The following DNMBP variants were observed in gnomAD, a reference collection of about 807,000 sequenced individuals.
The protein encoded by DNMBP is dynamin binding protein, also known as dynamin-binding protein.
Under a neutral mutation model 150.0 loss-of-function variants are expected in DNMBP, and 87 were observed. The ratio of observed to expected loss-of-function variants is 0.58; its 90% CI spans 0.49 to 0.69. DNMBP has a LOEUF of 0.69. Among genes scored for constraint, DNMBP ranks in the 30% least tolerant of loss-of-function variants. The probability of loss-of-function intolerance (pLI) is 0.00; values close to 1 mark genes in which losing one functional copy is unlikely to be tolerated. For missense variants in DNMBP, 1,774 were observed against 1,949.0 expected, an observed-to-expected ratio of 0.91 and a Z score of 1.69; for synonymous variants, 711 against 750.4, an observed-to-expected ratio of 0.95 and a Z score of 0.86.
At chr10:99,966,486 C>T (rs372703584) in intron 3 of DNMBP, among the ~76,000 whole-genome samples, 49 of 152,336 alleles carry the variant, frequency 3.2e-4, no homozygotes, top group African/African-American at 1.1e-3. Flanking sequence ...GAGAATCTCT[C>T]GGATGGCATG....
In DNMBP at chr10:99,888,967, G is replaced by A. The variant is rs2039515710; in HGVS notation, c.3157-14C>T. 6.2e-7 allele frequency: 1 copy of A among 1,613,898 alleles called. No homozygotes were observed. Among genetic ancestry groups the A allele is most frequent in the African/African-American group, 1.3e-5 (1 of 75,014 alleles). ...ACATGCGGACTCCTGGAGCCAGTTA[G>A]GACAGACACAAGTCAGAACAGACAG... is the stretch of plus-strand genomic sequence containing the variant. On this transcript the variant is annotated splice_polypyrimidine_tract_variant and intron_variant, in intron 11 of 16. Transcript: ENST00000324109.
intron 1 of DNMBP, among the ~76,000 whole-genome samples, chr10:99,974,067 T>C (rs1363299359): frequency 6.6e-6 from 1 of 152,004 alleles, no homozygotes; most frequent in Non-Finnish European, 1.5e-5. Flanking sequence ...GGCTAGAGGA[T>C]CAATTGCAGT....
intron 1 of DNMBP, among the ~76,000 whole-genome samples, chr10:99,977,579 T>C (rs977201178): frequency 3.3e-5 from 5 of 152,216 alleles, no homozygotes; most frequent in Non-Finnish European, 7.3e-5. Context: ...TCATTCTGCA[T>C]TTGAAATATA....
chr10:99,913,975 T>C lies in DNMBP; in HGVS notation c.2261-4829A>G, dbSNP rs529958536. On this transcript the variant is annotated intron_variant, in intron 4 of 16. Transcript: ENST00000324109. ...TACCTGCAGTGCCCAGAGCTGGCTG[T>C]GTGTGGAGGTGTGGGCCTGAGGGTA... The C allele has an allele frequency of 1.1e-4, 156 of 1,461,334 alleles. 2 individuals carry two copies. In the South Asian group the frequency reaches 2.0e-3, roughly 19 times the overall value. 90.5% of individuals were successfully genotyped at this position (1,461,334 alleles called of 1,614,324 possible). A position where few individuals can be genotyped will look rare whatever the true frequency, so the allele number is the denominator to read the frequency against.
At chr10:99,970,775 A>C (rs1299427586) in intron 2 of DNMBP, among the ~76,000 whole-genome samples, 1 of 151,758 alleles carries the variant, frequency 6.6e-6, no homozygotes, top group Non-Finnish European at 1.5e-5. Flanking sequence ...GATTGAGACC[A>C]TCCTGGCTAA....
intron 4 of DNMBP, among the ~76,000 whole-genome samples, chr10:99,927,455 T>A (rs956519348): frequency 7.9e-5 from 12 of 152,176 alleles, no homozygotes; most frequent in African/African-American, 2.7e-4. Context: ...AAATTGAGAA[T>A]CCGAAGCTCC....
chr10:99,994,123 A>G (rs746077130), intron 1 of DNMBP, among the ~76,000 whole-genome samples: 47 of 152,324 alleles, frequency 3.1e-4, no homozygotes, highest in Non-Finnish European at 5.7e-4. Flanking sequence ...TAATAACTAC[A>G]TAACAGTTAG....
At chr10:99,972,233 C>G (rs1255110603) in intron 1 of DNMBP, 99 bp from the exon 2 acceptor site, 2 of 1,208,170 alleles carry the variant, frequency 1.7e-6, no homozygotes, top group Admixed American at 5.2e-5. Context: ...TACAAATATA[C>G]TTAAAATGAA....
rs929525140 is a variant in DNMBP, at chr10:99,894,933, T to C, written c.3156+13A>G. 6.4e-7 allele frequency: 1 copy of C among 1,573,790 alleles called. No individual in the cohort carries two copies. The highest frequency in any genetic ancestry group is 8.7e-7 in the Non-Finnish European group (1 of 1,143,474). ...TCGTATGTTAATCTAACTACAGTGA[T>C]GTTGATGCTCACCCGGATGTGCTGG... On this transcript the variant is annotated intron_variant, in intron 11 of 16. Coordinates refer to ENST00000324109, the MANE Select transcript of DNMBP (RefSeq NM_015221.4).
intron 1 of DNMBP, among the ~76,000 whole-genome samples, chr10:99,972,338 T>C (rs2040687616): frequency 6.6e-6 from 1 of 152,178 alleles, no homozygotes; most frequent in Non-Finnish European, 1.5e-5. Context: ...GGAGCAATCA[T>C]GGCTCACTGT....
chr10:99,926,086 T>A (rs958186118), intron 4 of DNMBP, among the ~76,000 whole-genome samples: 13 of 152,294 alleles, frequency 8.5e-5, no homozygotes, highest in African/African-American at 2.9e-4. Flanking sequence ...GATATCCTAA[T>A]ATTATTTACA....
intron 4 of DNMBP, among the ~76,000 whole-genome samples, chr10:99,937,697 T>G (rs938321276): frequency 6.6e-6 from 1 of 152,314 alleles, no homozygotes; most frequent in South Asian, 2.1e-4. Flanking sequence ...CGACCAACCC[T>G]GCCCTCAGCT....
In DNMBP at chr10:99,898,087, C is replaced by G; in HGVS notation, c.2919G>C (p.Leu973=). Residue 973 remains leucine, a splice_region_variant and synonymous_variant, in exon 9 of 17, where the codon CTG becomes CTC. Transcript: ENST00000324109. The stretch of plus-strand genomic sequence containing the variant: ...TTTCAGCAATTATGCTGTTCTTACC[C>G]AGGTCCTTTCGCCGTTTATATTCAT... ...NINEYKRRKD[L]VLKYRKGDED... is the part of the protein sequence containing the mutation. The G allele has an allele frequency of 6.2e-7, 1 of 1,613,608 alleles. No individual in the cohort carries two copies. The highest frequency in any genetic ancestry group is 8.5e-7 in the Non-Finnish European group (1 of 1,179,522).
intron 3 of DNMBP, among the ~76,000 whole-genome samples, chr10:99,960,999 A>G (rs930667439): frequency 4.6e-5 from 7 of 151,874 alleles, no homozygotes; most frequent in African/African-American, 1.7e-4. Context: ...TAAAATAAAT[A>G]AATAAGAAAA....
chr10:99,929,429 G>A (rs1157410741), intron 4 of DNMBP, among the ~76,000 whole-genome samples: 1 of 152,152 alleles, frequency 6.6e-6, no homozygotes, highest in Non-Finnish European at 1.5e-5. Flanking sequence ...ATATACTCTT[G>A]CTCTGTACAA....
At chr10:99,883,654 A>T (rs1161881956) in intron 15 of DNMBP, among the ~76,000 whole-genome samples, 3 of 150,934 alleles carry the variant, frequency 2.0e-5, no homozygotes, top group Non-Finnish European at 3.0e-5. Context: ...AAAAAAAAAA[A>T]AAAAAAAAAA....
chr10:100,009,776 G>A (rs146141430), intron 1 of DNMBP, 62 bp downstream of exon 1: 3,736 of 149,610 alleles, frequency 0.025, 58 homozygotes, highest in South Asian at 0.084. Flanking sequence ...CCGCGGCCCC[G>A]GACCGCGACC....
intron 4 of DNMBP, among the ~76,000 whole-genome samples, chr10:99,941,286 A>G (rs1298834777): frequency 2.0e-5 from 3 of 152,102 alleles, no homozygotes; most frequent in Non-Finnish European, 4.4e-5. Flanking sequence ...CCATATTCCT[A>G]AAGATTGGAA....
intron 12 of DNMBP, 60 bp downstream of exon 12, chr10:99,888,765 G>A: frequency 6.2e-7 from 1 of 1,603,252 alleles, no homozygotes; most frequent in South Asian, 1.1e-5. Context: ...ACTTGCATGA[G>A]CTGATGTATT....
Sources: gnomAD v4.1 joint callset for allele counts (sites outside exome capture counted in the v4.1 genomes callset) on GRCh38, gnomAD v4.1.1 for gene constraint, MANE v1.5 for transcripts, NCBI Gene and HGNC (gene_info 2026-07-23, HGNC 2026-07-21) for gene names.